TULP3: variants seen among roughly 807,000 people sequenced by gnomAD.
The protein encoded by TULP3 is TUB like protein 3, also known as tubby-related protein 3.
Under a neutral mutation model 50.7 loss-of-function variants are expected in TULP3, and 38 were observed. The observed-to-expected ratio is 0.75, with a 90% confidence interval of 0.58 to 0.98. The LOEUF (loss-of-function observed/expected upper bound fraction) is 0.98. Ranked by LOEUF, TULP3 falls within the 50% of genes least tolerant of loss-of-function variation. The probability of loss-of-function intolerance (pLI) is 0.00; values close to 1 mark genes in which losing one functional copy is unlikely to be tolerated. For synonymous variants in TULP3, 183 were observed against 196.6 expected (o/e 0.93, Z 0.58); for missense variants, 550 against 568.0 (o/e 0.97, Z 0.32).
chr12:2,931,200 C>G lies in TULP3; in HGVS notation c.656C>G (p.Pro219Arg). The G allele has an allele frequency of 6.2e-7, 1 of 1,614,172 alleles. No homozygotes were observed. The highest frequency in any genetic ancestry group is 8.5e-7 in the Non-Finnish European group (1 of 1,180,040). The change falls in exon 6 of 11, where the codon CCC becomes CGC. Residue 219 changes from proline to arginine, a missense_variant. By Grantham distance (103) the Pro-to-Arg change is moderately radical. Coordinates refer to ENST00000448120, the MANE Select transcript of TULP3 (RefSeq NM_003324.5). ...DKRGMDRGLF[P>R]TYYMYLEKEE... The stretch of plus-strand genomic sequence containing the variant: ...AGGGGAATGGATCGGGGTCTCTTCC[C>G]CACCTACTATATGTACTTGGAAAAA...
chr12:2,906,024 A>T (rs1045588891), intron 1 of TULP3, among the ~76,000 whole-genome samples: 1 of 148,588 alleles, frequency 6.7e-6, no homozygotes, highest in Non-Finnish European at 1.5e-5. Flanking sequence ...CCTGTGTAAA[A>T]AAAAAAAATT....
chr12:2,903,248 G>T (rs2098180234), intron 1 of TULP3, among the ~76,000 whole-genome samples: 2 of 152,094 alleles, frequency 1.3e-5, no homozygotes, highest in South Asian at 4.1e-4. Context: ...CTTTGAAAAT[G>T]TATATTTTCT....
At position 2,892,895 on chromosome 12, in the gene TULP3, G is replaced by A. The variant is rs556451536; in HGVS notation, c.41+1907G>A. 1.0e-3 allele frequency among the ~76,000 whole-genome samples: 150 copies of A among 144,244 alleles called. 1 individual carries two copies. The highest frequency in any genetic ancestry group is 3.7e-3 in the African/African-American group (143 of 38,450). 94.6% of individuals were successfully genotyped at this position (144,244 alleles called of 152,430 possible). A position where few individuals can be genotyped will look rare whatever the true frequency, so the allele number is the denominator to read the frequency against. ...TTAATTTTTTTTTTTTTTTGAGACA[G>A]GGTCTCACTCTGTCGCCCAGGCTAG... is the stretch of plus-strand genomic sequence containing the variant. On this transcript the variant is annotated intron_variant, in intron 1 of 10. Transcript: ENST00000448120.
At chr12:2,892,463 A>G (rs371792265) in intron 1 of TULP3, among the ~76,000 whole-genome samples, 92 of 152,190 alleles carry the variant, frequency 6.0e-4, no homozygotes, top group African/African-American at 2.1e-3. Context: ...TTTTGGGGAA[A>G]AAAAAACGGG....
intron 4 of TULP3, among the ~76,000 whole-genome samples, chr12:2,927,858 TA>T (rs1206704009): frequency 2.2e-4 from 34 of 152,250 alleles, no homozygotes; most frequent in African/African-American, 7.7e-4. Flanking sequence ...CAGTGAGGGG[TA>T]ACTTCACCCC....
intron 1 of TULP3, among the ~76,000 whole-genome samples, chr12:2,899,668 C>T (rs996259963): frequency 7.2e-5 from 11 of 152,072 alleles, no homozygotes; most frequent in East Asian, 5.8e-4. Flanking sequence ...CCAAGGTGGG[C>T]GGATCACGAG....
At chr12:2,892,272 T>A (rs1334653494) in intron 1 of TULP3, among the ~76,000 whole-genome samples, 1 of 152,162 alleles carries the variant, frequency 6.6e-6, no homozygotes, top group Non-Finnish European at 1.5e-5. Context: ...GCTTTTTTTT[T>A]TCCCAAGTCG....
At chr12:2,932,695 A>G (rs1045690714) in intron 6 of TULP3, among the ~76,000 whole-genome samples, 2 of 150,446 alleles carry the variant, frequency 1.3e-5, no homozygotes, top group African/African-American at 4.9e-5. Flanking sequence ...ATTGATTGTT[A>G]TTTATTTATT....
chr12:2,938,380 C>A, intron 10 of TULP3, 95 bp downstream of exon 10: 1 of 1,357,004 alleles, frequency 7.4e-7, no homozygotes, highest in South Asian at 1.4e-5. Flanking sequence ...AAGTGACAGT[C>A]AGCAGATAAT....
intron 1 of TULP3, among the ~76,000 whole-genome samples, chr12:2,902,174 C>A (rs929263123): frequency 3.3e-5 from 5 of 152,140 alleles, no homozygotes; most frequent in Non-Finnish European, 7.3e-5. Context: ...TTATGAATTT[C>A]TCTAAATTGC....
intron 1 of TULP3, among the ~76,000 whole-genome samples, chr12:2,900,244 G>C (rs1268964264): frequency 6.6e-6 from 1 of 151,832 alleles, no homozygotes; most frequent in Non-Finnish European, 1.5e-5. Context: ...AAAAAAACTT[G>C]GATTCTAAAG....
chr12:2,904,976 T>C (rs1009216317), intron 1 of TULP3, among the ~76,000 whole-genome samples: 3 of 151,336 alleles, frequency 2.0e-5, no homozygotes, highest in African/African-American at 7.3e-5. Context: ...TCCCAGCTGC[T>C]TGGGAGGCTG....
At chr12:2,916,293 C>T (rs141484747) in intron 2 of TULP3, among the ~76,000 whole-genome samples, 228 of 152,292 alleles carry the variant, frequency 1.5e-3, no homozygotes, top group African/African-American at 5.3e-3. Context: ...TGAGCCACTG[C>T]GCCGGTCAGA....
At chr12:2,927,275 C>T (rs1357631751) in intron 4 of TULP3, among the ~76,000 whole-genome samples, 1 of 151,608 alleles carries the variant, frequency 6.6e-6, no homozygotes, top group Admixed American at 6.6e-5. Context: ...AGCTGATGGA[C>T]GTTTGATTGT....
intron 5 of TULP3, among the ~76,000 whole-genome samples, chr12:2,930,752 A>G (rs2098197521): frequency 6.6e-6 from 1 of 152,168 alleles, no homozygotes; most frequent in Non-Finnish European, 1.5e-5. Flanking sequence ...TTTAAATACC[A>G]TTACTGAGTG....
chr12:2,933,837 C>T (rs2098199620), intron 7 of TULP3, among the ~76,000 whole-genome samples: 1 of 152,038 alleles, frequency 6.6e-6, no homozygotes, highest in South Asian at 2.1e-4. Context: ...GTAATTCCAG[C>T]TACCCGGGAG....
rs1380728122 is a variant in TULP3, at chr12:2,930,251, T to G, written c.398T>G (p.Ile133Ser). The G allele has an allele frequency of 1.2e-6, 2 of 1,609,836 alleles. No individual in the cohort carries two copies. The highest frequency in any genetic ancestry group is 1.7e-6 in the Non-Finnish European group (2 of 1,177,484). Residue 133 changes from isoleucine (I) to serine (S), a missense_variant, in exon 5 of 11, where the codon ATC (isoleucine) becomes AGC (serine). Ile to Ser is a moderately radical substitution (Grantham distance 142). Coordinates refer to ENST00000448120, the MANE Select transcript of TULP3 (RefSeq NM_003324.5). ...GLQERLQKHDISESVNFDEET... is the reference protein window; with the variant it reads ...GLQERLQKHDSSESVNFDEET... ...ACAGTTCTTCCTTTTCTGCTAGATA[T>G]CTCTGAAAGTGTGAACTTCGATGAG... is the stretch of plus-strand genomic sequence containing the variant.
At chr12:2,907,770 G>A (rs969418733) in intron 1 of TULP3, among the ~76,000 whole-genome samples, 2 of 151,644 alleles carry the variant, frequency 1.3e-5, no homozygotes, top group Admixed American at 6.6e-5. Context: ...TTTAAATTTG[G>A]GATTTAAAAA....
chr12:2,940,701 C>T lies in TULP3; in HGVS notation c.*1257C>T, dbSNP rs3944066. Reference sequence around the variant, plus strand: ...GACCTCTCACCTCCGCCTGTTGTTCCTGCACCACATCAGATAAGCATGTGA... The same window carrying T: ...GACCTCTCACCTCCGCCTGTTGTTCTTGCACCACATCAGATAAGCATGTGA... On this transcript the variant is annotated 3_prime_UTR_variant, in exon 11 of 11. Coordinates refer to ENST00000448120, the MANE Select transcript of TULP3 (RefSeq NM_003324.5). The T allele has an allele frequency of 9.8e-3, 15,272 of 1,551,366 alleles. 1,113 individuals are homozygous for T. The African/African-American group carries it at 0.17, about 17-fold the overall frequency.
Sources: gnomAD v4.1 joint callset for allele counts (sites outside exome capture counted in the v4.1 genomes callset) on GRCh38, gnomAD v4.1.1 for gene constraint, MANE v1.5 for transcripts, NCBI Gene and HGNC (gene_info 2026-07-23, HGNC 2026-07-21) for gene names.